The following PCDHA8 variants were observed in gnomAD, a reference collection of about 807,000 sequenced individuals.
The protein encoded by PCDHA8 is protocadherin alpha-8.
A neutral mutation model predicts 61.8 loss-of-function variants in PCDHA8; 53 were observed. The ratio of observed to expected loss-of-function variants is 0.86; its 90% CI spans 0.69 to 1.08. The LOEUF is 1.08. PCDHA8 is among the 50% of genes least tolerant of loss of function. PCDHA8 has a pLI of 0.00. For missense variants in PCDHA8, 1,293 were observed against 1,245.0 expected (o/e 1.04, Z -0.58); for synonymous variants, 618 against 556.6 (o/e 1.11, Z -1.55).
Position 140,858,425 on chromosome 5 carries a change from C to A in PCDHA8, c.2394+14710C>A, listed in dbSNP as rs373682195. Reference sequence around the variant, plus strand: ...GGAAGATCAGTCTATTGGAGGGGACCACTCTAGGAAGGTGGGTTATTACGT... The same window carrying A: ...GGAAGATCAGTCTATTGGAGGGGACAACTCTAGGAAGGTGGGTTATTACGT... On this transcript the variant is annotated intron_variant, in intron 1 of 3. Coordinates refer to ENST00000531613, the MANE Select transcript of PCDHA8 (RefSeq NM_018911.3). The A allele has an allele frequency of 1.2e-5, 18 of 1,552,696 alleles. 1 individual carries two copies. In the African/African-American group the frequency reaches 2.3e-4, roughly 20 times the overall value.
chr5:140,997,123 A>T (rs1409528818), intron 3 of PCDHA8, among the ~76,000 whole-genome samples: 1 of 152,070 alleles, frequency 6.6e-6, no homozygotes, highest in African/African-American at 2.4e-5. Flanking sequence ...TCCCACATAC[A>T]CAATGCCCCC....
At chr5:140,856,416 A>C in intron 1 of PCDHA8, 1 of 1,598,486 alleles carries the variant, frequency 6.3e-7, no homozygotes, top group South Asian at 1.1e-5. Context: ...GTGGAAGTGA[A>C]GGACATTAAC....
At chr5:140,979,494 A>C (rs1284874558) in intron 2 of PCDHA8, among the ~76,000 whole-genome samples, 6 of 152,010 alleles carry the variant, frequency 3.9e-5, no homozygotes, top group African/African-American at 1.2e-4. Flanking sequence ...CACCTATTAG[A>C]GCCTCCTCAT....
intron 1 of PCDHA8, among the ~76,000 whole-genome samples, chr5:140,955,016 T>C (rs1389069329): frequency 6.6e-6 from 1 of 152,226 alleles, no homozygotes; most frequent in Admixed American, 6.5e-5. Context: ...CCCAGCACCA[T>C]TTATTAAATA....
At chr5:140,873,265 T>A (rs2054186823) in intron 1 of PCDHA8, among the ~76,000 whole-genome samples, 1 of 152,228 alleles carries the variant, frequency 6.6e-6, no homozygotes, top group South Asian at 2.1e-4. Context: ...CAAAAGTGAT[T>A]AAACCATCAT....
intron 1 of PCDHA8, among the ~76,000 whole-genome samples, chr5:140,954,291 T>C (rs1309677058): frequency 6.6e-6 from 1 of 152,230 alleles, no homozygotes; most frequent in African/African-American, 2.4e-5. Context: ...TTCCTTTGGG[T>C]ACATACCCAG....
intron 1 of PCDHA8, chr5:140,967,336 C>T (rs782067589): frequency 5.0e-6 from 8 of 1,607,396 alleles, no homozygotes; most frequent in Admixed American, 1.7e-5. Context: ...TCAGCCCCAG[C>T]GAGCACTTCG....
chr5:140,862,944 T>C (rs1554157274), intron 1 of PCDHA8: 3 of 542,156 alleles, frequency 5.5e-6, no homozygotes, highest in Admixed American at 3.9e-5. Flanking sequence ...GTGAGTGAGC[T>C]GGTGCGGTAT....
chr5:140,917,449 C>G (rs1290889939), intron 1 of PCDHA8, among the ~76,000 whole-genome samples: 1 of 152,006 alleles, frequency 6.6e-6, no homozygotes, highest in Admixed American at 6.6e-5. Context: ...GCTGCAAGAG[C>G]GTTTGGCATC....
At chr5:140,887,757 C>T (rs1303665192) in intron 1 of PCDHA8, among the ~76,000 whole-genome samples, 16 of 152,166 alleles carry the variant, frequency 1.1e-4, no homozygotes, top group Admixed American at 9.8e-4. Flanking sequence ...TCCAGTAACA[C>T]ATATGTTACA....
intron 1 of PCDHA8, among the ~76,000 whole-genome samples, chr5:140,920,671 C>T (rs1218067284): frequency 2.0e-5 from 3 of 151,960 alleles, no homozygotes; most frequent in African/African-American, 7.3e-5. Flanking sequence ...TGGTGAAACC[C>T]CATCTCTACT....
chr5:140,841,666 G>A lies in PCDHA8; in HGVS notation c.345G>A (p.Gln115=). The change falls in exon 1 of 4, where the codon CAG becomes CAA. Residue 115 remains glutamine (Q), a synonymous_variant. Transcript: ENST00000531613. ...HLEVIVDRPL[Q]VFHVDVEVKD... Reference sequence around the variant, plus strand: ...AGGTGATCGTGGACAGGCCGCTGCAGGTTTTCCATGTGGACGTGGAGGTGA... The same window carrying A: ...AGGTGATCGTGGACAGGCCGCTGCAAGTTTTCCATGTGGACGTGGAGGTGA... 1 of 1,613,974 alleles carries A rather than the reference G, an allele frequency of 6.2e-7. No individual in the cohort carries two copies. The highest frequency in any genetic ancestry group is 8.5e-7 in the Non-Finnish European group (1 of 1,179,964).
At chr5:140,883,547 G>C in intron 1 of PCDHA8, 1 of 1,614,234 alleles carries the variant, frequency 6.2e-7, no homozygotes, top group Non-Finnish European at 8.5e-7. Flanking sequence ...GGTGGTGACC[G>C]CGCGGGACGG....
intron 3 of PCDHA8, among the ~76,000 whole-genome samples, chr5:141,000,764 A>G (rs1371396511): frequency 2.0e-5 from 3 of 151,808 alleles, no homozygotes; most frequent in Non-Finnish European, 4.4e-5. Context: ...AATCTTAGCC[A>G]GGCATAGTGG....
At chr5:140,895,922 T>G (rs1301725770) in intron 1 of PCDHA8, among the ~76,000 whole-genome samples, 1 of 152,190 alleles carries the variant, frequency 6.6e-6, no homozygotes, top group African/African-American at 2.4e-5. Context: ...ACAATTATCC[T>G]GCCTCAGCCT....
chr5:140,861,378 C>A, intron 1 of PCDHA8: 1 of 421,170 alleles, frequency 2.4e-6, no homozygotes. Flanking sequence ...CCCTATTGCG[C>A]AGGACCTGGG....
chr5:140,856,719 C>A, intron 1 of PCDHA8: 1 of 1,596,152 alleles, frequency 6.3e-7, no homozygotes, highest in Non-Finnish European at 8.6e-7. Flanking sequence ...TTTACCGGAT[C>A]TGTTTCTCTG....
chr5:140,842,014 A>G lies in PCDHA8; in HGVS notation c.693A>G (p.Thr231=), dbSNP rs2150327358. ...ELTGTVQLLV[T]VLDVNDNAPT... ...CAGGCACTGTTCAGCTGCTGGTCAC[A>G]GTGCTGGATGTGAATGATAATGCTC... Residue 231 remains threonine, a synonymous_variant, in exon 1 of 4, where the codon ACA becomes ACG. Coordinates refer to ENST00000531613, the MANE Select transcript of PCDHA8 (RefSeq NM_018911.3). 1 of 1,613,836 alleles carries G rather than the reference A, an allele frequency of 6.2e-7. No individual in the cohort carries two copies.
In PCDHA8 at chr5:140,842,836, G is replaced by C; in HGVS notation, c.1515G>C (p.Ser505=). Residue 505 remains serine (S), a synonymous_variant, in exon 1 of 4, where the codon TCG becomes TCC. Transcript: ENST00000531613. Reference sequence around the variant, plus strand: ...GGCGGGTGGGCGAGCGCTCGCTGTCGAGCTACATTTCGGTGCACACGGAGA... The same window carrying C: ...GGCGGGTGGGCGAGCGCTCGCTGTCCAGCTACATTTCGGTGCACACGGAGA... ...VERRVGERSL[S]SYISVHTESG... The C allele has an allele frequency of 6.3e-7, 1 of 1,593,818 alleles. No homozygotes were observed. Among genetic ancestry groups the C allele is most frequent in the Non-Finnish European group, 8.6e-7 (1 of 1,165,328 alleles).
Sources: allele counts gnomAD v4.1 joint callset (sites outside exome capture counted in the v4.1 genomes callset), GRCh38; gene constraint gnomAD v4.1.1; transcripts MANE v1.5; gene names NCBI Gene and HGNC (gene_info 2026-07-23, HGNC 2026-07-21).